Variants in AUTS2 observed in about 807,000 individuals in gnomAD.
AUTS2 encodes the protein autism susceptibility gene 2 protein.
In AUTS2, 17 loss-of-function variants were observed where a neutral mutation model predicts 112.4. That is an observed-to-expected ratio of 0.15 (90% confidence interval 0.10 to 0.23). The LOEUF is 0.23. Ranked by LOEUF, AUTS2 falls within the 10% of genes least tolerant of loss-of-function variation. The pLI is 1.00. For synonymous variants in AUTS2, 751 were observed against 702.7 expected (o/e 1.07, Z -1.09); for missense variants, 1,510 against 1,701.6 (o/e 0.89, Z 1.98).
chr7:70,054,716 A>T (rs181629144), intron 2 of AUTS2, among the ~76,000 whole-genome samples: 1 of 152,312 alleles, frequency 6.6e-6, no homozygotes, highest in African/African-American at 2.4e-5. Flanking sequence ...ATGAATCAAA[A>T]TCAGTGGTAT....
chr7:69,720,675 G>A (rs528673358), intron 1 of AUTS2, among the ~76,000 whole-genome samples: 6 of 152,272 alleles, frequency 3.9e-5, no homozygotes, highest in Non-Finnish European at 8.8e-5. Flanking sequence ...AAGCTTTAGA[G>A]TAACAGAGGA....
chr7:70,765,797 T>C (rs1789899822), intron 8 of AUTS2, among the ~76,000 whole-genome samples: 1 of 152,170 alleles, frequency 6.6e-6, no homozygotes, highest in Admixed American at 6.5e-5. Flanking sequence ...AGATGGGTTA[T>C]TTGCCATGCC....
At chr7:70,067,450 A>G (rs896439410) in intron 2 of AUTS2, among the ~76,000 whole-genome samples, 4 of 152,254 alleles carry the variant, frequency 2.6e-5, no homozygotes, top group African/African-American at 9.6e-5. Flanking sequence ...ATACACCACT[A>G]GAAAGCCCTT....
intron 2 of AUTS2, among the ~76,000 whole-genome samples, chr7:70,007,061 C>CT (rs1196546497): frequency 1.3e-5 from 2 of 152,090 alleles, no homozygotes; most frequent in African/African-American, 2.4e-5. Flanking sequence ...TCCTTAATTA[C>CT]TTTTTTTACA....
intron 4 of AUTS2, among the ~76,000 whole-genome samples, chr7:70,434,616 C>T (rs949140319): frequency 1.3e-5 from 2 of 152,190 alleles, no homozygotes; most frequent in African/African-American, 4.8e-5. Flanking sequence ...GAATGGCTGC[C>T]AAACCACTCT....
In AUTS2 at chr7:69,599,981, C is replaced by A. The variant is rs769789060; in HGVS notation, c.309+19C>A. On this transcript the variant is annotated intron_variant, in intron 1 of 18. Transcript: ENST00000342771. This position sits in a 1 kb window ranked among gnomAD's most constrained non-coding sequence, Gnocchi z 7.0. Reference sequence around the variant, plus strand: ...GCTGGAGGTAAGGGGGACCCCCCTTCCCCCGGGTTCCCTTTATGCACGACC... The same window carrying A: ...GCTGGAGGTAAGGGGGACCCCCCTTACCCCGGGTTCCCTTTATGCACGACC... The A allele has an allele frequency of 1.9e-6, 3 of 1,611,634 alleles. No homozygotes were observed. The highest frequency in any genetic ancestry group is 2.2e-5 in the South Asian group (2 of 90,996).
intron 1 of AUTS2, among the ~76,000 whole-genome samples, chr7:69,655,376 T>G (rs1795479875): frequency 9.1e-6 from 1 of 109,788 alleles, no homozygotes; most frequent in African/African-American, 3.6e-5. Flanking sequence ...TTACCTGACT[T>G]TCTAGTTTTT....
At chr7:70,400,831 A>G (rs1235613399) in intron 4 of AUTS2, among the ~76,000 whole-genome samples, 1 of 152,078 alleles carries the variant, frequency 6.6e-6, no homozygotes, top group Non-Finnish European at 1.5e-5. Context: ...CTCAATCCTA[A>G]TCTATAGGTT....
At position 70,788,548 on chromosome 7, in the gene AUTS2, C is replaced by T. The variant is rs112859396; in HGVS notation, c.2531+1117C>T. 7.7e-3 allele frequency among the ~76,000 whole-genome samples: 1,176 copies of T among 152,306 alleles called. 16 individuals are homozygous for T. The highest frequency in any genetic ancestry group is 0.027 in the African/African-American group (1,109 of 41,558). On this transcript the variant is annotated intron_variant, in intron 18 of 18. Coordinates refer to ENST00000342771, the MANE Select transcript of AUTS2 (RefSeq NM_015570.4). ...ACATAACCTGGCCGACCCTAGGCCG[C>T]GAGCTCTCTGTACACAGCCTGTCAC...
chr7:69,737,812 A>G (rs767090815), intron 1 of AUTS2, among the ~76,000 whole-genome samples: 2 of 152,208 alleles, frequency 1.3e-5, no homozygotes, highest in Non-Finnish European at 2.9e-5. Context: ...ATTTAAAATT[A>G]AATTGCAACA....
At chr7:70,317,265 T>TC (rs1395102410) in intron 4 of AUTS2, among the ~76,000 whole-genome samples, 3 of 152,228 alleles carry the variant, frequency 2.0e-5, no homozygotes, top group Non-Finnish European at 4.4e-5. Context: ...GTGTTCCTTG[T>TC]CACTGCAGGG....
rs756213882 is a variant in AUTS2 at position 70,781,716 on chromosome 7, C to G, written c.2106C>G (p.Pro702=). The change falls in exon 15 of 19, where the codon CCC becomes CCG. Residue 702 remains proline, a synonymous_variant. Coordinates refer to ENST00000342771, the MANE Select transcript of AUTS2 (RefSeq NM_015570.4). Reference sequence around the variant, plus strand: ...GTCTTTTTGGAGCCATCCACCACCCCCATGACCTGGCACGGCCTTCAACTT... The same window carrying G: ...GTCTTTTTGGAGCCATCCACCACCCGCATGACCTGGCACGGCCTTCAACTT... The part of the protein sequence containing the change: ...GPSLFGAIHH[P]HDLARPSTLF... 1 of 1,614,204 alleles carries G rather than the reference C, an allele frequency of 6.2e-7. No homozygotes were observed. Among genetic ancestry groups the G allele is most frequent in the Admixed American group, 1.7e-5 (1 of 60,028 alleles).
intron 1 of AUTS2, among the ~76,000 whole-genome samples, chr7:69,872,068 A>G (rs1235796193): frequency 2.6e-5 from 4 of 152,194 alleles, no homozygotes; most frequent in Non-Finnish European, 5.9e-5. Flanking sequence ...TATCCGACTT[A>G]ACTTACAAAA....
intron 1 of AUTS2, among the ~76,000 whole-genome samples, chr7:69,768,240 A>T (rs1047839524): frequency 2.6e-5 from 4 of 152,222 alleles, no homozygotes; most frequent in African/African-American, 9.6e-5. Flanking sequence ...TCAGACTCTC[A>T]CGCTGGGTTG....
At chr7:70,653,064 G>A (rs207468046) in intron 5 of AUTS2, among the ~76,000 whole-genome samples, 2 of 152,034 alleles carry the variant, frequency 1.3e-5, no homozygotes, top group African/African-American at 4.8e-5. Flanking sequence ...AGACCAGCCT[G>A]GGCAACATAG....
At chr7:69,678,306 A>G (rs1007974452) in intron 1 of AUTS2, among the ~76,000 whole-genome samples, 6 of 152,110 alleles carry the variant, frequency 3.9e-5, no homozygotes, top group Admixed American at 6.5e-5. Context: ...GAGGCTGCAA[A>G]AACATTTCAA....
intron 5 of AUTS2, among the ~76,000 whole-genome samples, chr7:70,475,245 G>T (rs1797538543): frequency 6.6e-6 from 1 of 152,168 alleles, no homozygotes; most frequent in Non-Finnish European, 1.5e-5. Flanking sequence ...ACTTGAGGAG[G>T]CGGGGAACTG....
chr7:70,298,083 G>A (rs1789031241), intron 4 of AUTS2, among the ~76,000 whole-genome samples: 4 of 151,960 alleles, frequency 2.6e-5, no homozygotes, highest in African/African-American at 9.7e-5. Flanking sequence ...TGAGGCTGGA[G>A]TGCAGTGGCA....
At chr7:70,115,221 A>T (rs1394433377) in intron 2 of AUTS2, among the ~76,000 whole-genome samples, 1 of 152,214 alleles carries the variant, frequency 6.6e-6, no homozygotes, top group Non-Finnish European at 1.5e-5. Flanking sequence ...GAAAAGGCCC[A>T]GGTGCAATGT....
Sources: gnomAD v4.1 joint callset for allele counts (sites outside exome capture counted in the v4.1 genomes callset) on GRCh38, gnomAD v4.1.1 for gene constraint, Gnocchi (gnomAD v3.1) non-coding constraint, MANE v1.5 for transcripts, NCBI Gene and HGNC (gene_info 2026-07-23, HGNC 2026-07-21) for gene names.